SYTL2: variants seen among roughly 807,000 people sequenced by gnomAD.
SYTL2 encodes the protein synaptotagmin like 2, also known as synaptotagmin-like protein 2.
In SYTL2, 165 loss-of-function variants were observed where a neutral mutation model predicts 198.7. The ratio of observed to expected loss-of-function variants is 0.83; its 90% CI spans 0.73 to 0.94. The LOEUF (loss-of-function observed/expected upper bound fraction) is 0.94, where lower values mean the gene tolerates loss of function less well. SYTL2 is among the 40% of genes least tolerant of loss of function. SYTL2 has a pLI of 0.00. For missense variants in SYTL2, 2,835 were observed against 2,582.8 expected (o/e 1.10, Z -2.12); for synonymous variants, 966 against 917.7 (o/e 1.05, Z -0.95).
At chr11:85,771,774 G>A (rs2092358896) in intron 1 of SYTL2, among the ~76,000 whole-genome samples, 1 of 152,146 alleles carries the variant, frequency 6.6e-6, no homozygotes, top group African/African-American at 2.4e-5. Flanking sequence ...TTGAGCCTTA[G>A]TTTGCTCATC....
At chr11:85,853,395 T>C in the SYTL2 span, 21 of 428,842 alleles carry the variant, frequency 4.9e-5, no homozygotes, top group East Asian at 7.8e-4. Context: ...ATGTGCTGTG[T>C]CCACTCAGGG....
At chr11:85,730,503 T>A (rs887798204) in intron 7 of SYTL2, among the ~76,000 whole-genome samples, 1 of 152,156 alleles carries the variant, frequency 6.6e-6, no homozygotes, top group Non-Finnish European at 1.5e-5. Flanking sequence ...CACATGATTA[T>A]CTCAATAGAT....
chr11:85,850,677 T>C, the SYTL2 span, among the ~76,000 whole-genome samples: 2 of 151,164 alleles, frequency 1.3e-5, no homozygotes, highest in South Asian at 2.1e-4. Flanking sequence ...CATTACTGGG[T>C]ATATACCCAA....
chr11:85,842,339 T>C, the SYTL2 span, among the ~76,000 whole-genome samples: 11 of 152,336 alleles, frequency 7.2e-5, 1 homozygote, highest in South Asian at 4.1e-4. Context: ...CTGTAGGCTA[T>C]TGGGGCCGGG....
At chr11:85,729,144 G>C (rs1048143465) in intron 7 of SYTL2, among the ~76,000 whole-genome samples, 10 of 152,162 alleles carry the variant, frequency 6.6e-5, no homozygotes, top group Admixed American at 6.5e-4. Flanking sequence ...AATAGTGGGA[G>C]ACTTTAACAC....
intron 4 of SYTL2, among the ~76,000 whole-genome samples, chr11:85,739,072 G>A (rs560026379): frequency 8.3e-4 from 126 of 152,238 alleles, no homozygotes; most frequent in Admixed American, 2.6e-3. Context: ...CCTCCTCTGT[G>A]TATACATATC....
the SYTL2 span, among the ~76,000 whole-genome samples, chr11:85,841,064 G>A: frequency 2.0e-5 from 3 of 152,030 alleles, no homozygotes; most frequent in Non-Finnish European, 4.4e-5. Context: ...CAGACATGTG[G>A]CCAATAAACA....
At chr11:85,789,351 T>C (rs1243154440) in intron 1 of SYTL2, among the ~76,000 whole-genome samples, 1 of 34,148 alleles carries the variant, frequency 2.9e-5, no homozygotes, top group South Asian at 1.2e-3. Context: ...TATATATATA[T>C]ATATATATAT....
chr11:85,835,404 T>C, the SYTL2 span, among the ~76,000 whole-genome samples: 3 of 152,238 alleles, frequency 2.0e-5, no homozygotes, highest in African/African-American at 7.2e-5. Context: ...ACTATTTATA[T>C]AACAAAAATG....
At chr11:85,820,596 G>A in the SYTL2 span, among the ~76,000 whole-genome samples, 1 of 152,176 alleles carries the variant, frequency 6.6e-6, no homozygotes, top group Admixed American at 6.5e-5. Flanking sequence ...AGCCTTCCAG[G>A]TGATTCTGGC....
intron 14 of SYTL2, among the ~76,000 whole-genome samples, chr11:85,708,491 T>TTAAATC (rs1165961916): frequency 1.3e-4 from 20 of 152,162 alleles, no homozygotes; most frequent in African/African-American, 4.3e-4. Context: ...AAAACTGAAG[T>TTAAATC]GCAATTAAAC....
chr11:85,710,799 T>G (rs1389540158), intron 13 of SYTL2, among the ~76,000 whole-genome samples: 1 of 152,202 alleles, frequency 6.6e-6, no homozygotes, highest in East Asian at 1.9e-4. Flanking sequence ...TACAAGCAGA[T>G]TTTATCATAG....
At chr11:85,714,534 A>G (rs2086843394) in intron 11 of SYTL2, 27 bp from the exon 12 acceptor site, 1 of 1,598,400 alleles carries the variant, frequency 6.3e-7, no homozygotes, top group Non-Finnish European at 8.6e-7. Context: ...CCATTTCAAA[A>G]TTATTCTTAC....
chr11:85,744,639 C>T (rs2091025294), intron 4 of SYTL2, among the ~76,000 whole-genome samples: 2 of 152,204 alleles, frequency 1.3e-5, no homozygotes, highest in African/African-American at 4.8e-5. Flanking sequence ...CTCCCTGACA[C>T]CTATAAACTA....
the SYTL2 span, among the ~76,000 whole-genome samples, chr11:85,840,014 G>A: frequency 6.6e-6 from 1 of 152,128 alleles, no homozygotes; most frequent in Admixed American, 6.6e-5. Context: ...TTATAGTTTT[G>A]ATTTGCATTT....
chr11:85,709,577 C>A, intron 13 of SYTL2, 77 bp from the exon 14 acceptor site: 1 of 1,342,222 alleles, frequency 7.5e-7, no homozygotes, highest in South Asian at 1.2e-5. Context: ...GATATAATCC[C>A]TGCTGGCATT....
rs529491696 is a variant in SYTL2, at chr11:85,804,099, A to T, written c.-390+6855T>A. On this transcript the variant is annotated intron_variant, in intron 1 of 19. Transcript: ENST00000359152. ...TACATTCCAGGTAGTGTTGATTCTT[A>T]AATAGTATACTAAGTTGCTGACTCA... is the stretch of plus-strand genomic sequence containing the variant. Among the ~76,000 whole-genome samples, 5 of 152,334 alleles carry T rather than the reference A, an allele frequency of 3.3e-5. No individual in the cohort carries two copies. In the East Asian group the frequency reaches 9.6e-4, roughly 29 times the overall value.
chr11:85,708,080 T>G (rs1454720981), intron 14 of SYTL2: 4 of 418,934 alleles, frequency 9.5e-6, no homozygotes, highest in Non-Finnish European at 1.9e-5. Flanking sequence ...GGAGAATCGC[T>G]TGAACCCGGG....
chr11:85,813,270 C>A (rs149165682), upstream of SYTL2, among the ~76,000 whole-genome samples: 3 of 152,066 alleles, frequency 2.0e-5, no homozygotes, highest in East Asian at 1.9e-4. Context: ...TCTAATAAGA[C>A]CTTAGACCAA....
Sources: allele counts gnomAD v4.1 joint callset (sites outside exome capture counted in the v4.1 genomes callset), GRCh38; gene constraint gnomAD v4.1.1; transcripts MANE v1.5; gene names NCBI Gene and HGNC (gene_info 2026-07-23, HGNC 2026-07-21).